TUBB: variants seen among roughly 807,000 people sequenced by gnomAD.
The protein encoded by TUBB is tubulin beta class I.
A neutral mutation model predicts 35.1 loss-of-function variants in TUBB; 2 were observed. That is an observed-to-expected ratio of 0.06 (90% CI 0.02 to 0.18). The LOEUF (loss-of-function observed/expected upper bound fraction) is 0.18. TUBB is among the 10% of genes least tolerant of loss of function. The pLI is 1.00. For missense variants in TUBB, 50 were observed against 599.4 expected, an observed-to-expected ratio of 0.08 and a Z score of 9.57; for synonymous variants, 205 against 223.8, an observed-to-expected ratio of 0.92 and a Z score of 0.75.
Position 30,723,614 on chromosome 6 carries a change from T to C in TUBB, c.552T>C (p.Asn184=), listed in dbSNP as rs1393838118. ...KVSDTVVEPY[N]ATLSVHQLVE... ...CTGACACCGTGGTCGAGCCCTACAA[T>C]GCCACCCTCTCCGTCCATCAGTTGG... The change falls in exon 4 of 4, where the codon AAT becomes AAC. Residue 184 remains asparagine, a synonymous_variant. Transcript: ENST00000327892. 2 of 1,614,108 alleles carry C rather than the reference T, an allele frequency of 1.2e-6. No individual in the cohort carries two copies. Among genetic ancestry groups the C allele is most frequent in the Non-Finnish European group, 1.7e-6 (2 of 1,180,050 alleles).
intron 2 of TUBB, 122 bp from the exon 3 acceptor site, chr6:30,722,796 C>A: frequency 2.7e-6 from 3 of 1,122,610 alleles, no homozygotes; most frequent in South Asian, 1.4e-5. Context: ...AAGACGTCTG[C>A]TGCCACCTGG....
At chr6:30,722,751 C>A in intron 2 of TUBB, 106 bp downstream of exon 2, 1 of 1,178,296 alleles carries the variant, frequency 8.5e-7, no homozygotes, top group Admixed American at 2.4e-5. Flanking sequence ...GTGAATCTGT[C>A]ATTTTGTCCC....
intron 2 of TUBB, 93 bp downstream of exon 2, chr6:30,722,738 T>C (rs921330185): frequency 1.6e-6 from 2 of 1,220,786 alleles, no homozygotes; most frequent in Non-Finnish European, 2.3e-6. Flanking sequence ...TTATCCCCTT[T>C]GGGTGAATCT....
At chr6:30,721,398 G>T (rs566484366) in intron 1 of TUBB, among the ~76,000 whole-genome samples, 4 of 149,834 alleles carry the variant, frequency 2.7e-5, no homozygotes, top group African/African-American at 7.4e-5. Flanking sequence ...CGGCTGCTAC[G>T]TTGTAGCAGA....
chr6:30,721,963 C>CT, intron 1 of TUBB: 1 of 881,818 alleles, frequency 1.1e-6, no homozygotes, highest in African/African-American at 1.8e-5. Flanking sequence ...AAGCGAGACC[C>CT]TCCCCCATGC....
chr6:30,722,853 T>A, intron 2 of TUBB, 65 bp from the exon 3 acceptor site: 1 of 1,395,906 alleles, frequency 7.2e-7, no homozygotes, highest in Non-Finnish European at 1.0e-6. Flanking sequence ...TGTCTCCCAT[T>A]TCCAGTATAT....
In TUBB at chr6:30,720,416, C is replaced by A; in HGVS notation, c.-91C>A. ...CTCCAGCCTCTGGGGCGCATTCCAA[C>A]CTTCCAGCCTGCGACCTGCGGAGAA... On this transcript the variant is annotated 5_prime_UTR_variant, in exon 1 of 4. Coordinates refer to ENST00000327892, the MANE Select transcript of TUBB (RefSeq NM_178014.4). 7.5e-7 allele frequency: 1 copy of A among 1,326,872 alleles called. No individual in the cohort carries two copies. Among genetic ancestry groups the A allele is most frequent in the Non-Finnish European group, 1.1e-6 (1 of 924,560 alleles). The allele number at this position is 1,326,872 out of a possible 1,614,324, so 82.2% of individuals were successfully genotyped here.
At chr6:30,723,250 CCG>C (rs1444347725) in intron 3 of TUBB, 88 bp from the exon 4 acceptor site, 6 of 1,141,178 alleles carry the variant, frequency 5.3e-6, no homozygotes, top group African/African-American at 1.6e-5. Context: ...GAAGATACAT[CCG>C]AGGGAATTAT....
At chr6:30,721,196 G>C (rs564808539) in intron 1 of TUBB, among the ~76,000 whole-genome samples, 1 of 152,206 alleles carries the variant, frequency 6.6e-6, no homozygotes, top group African/African-American at 2.4e-5. Context: ...TTTTTAGGGC[G>C]TGAACAGATA....
rs1776436502 is a variant in TUBB, at chr6:30,723,617, C to T, written c.555C>T (p.Ala185=). 4 of 1,614,206 alleles carry T rather than the reference C, an allele frequency of 2.5e-6. No individual in the cohort carries two copies. The highest frequency in any genetic ancestry group is 2.2e-5 in the East Asian group (1 of 44,890). The part of the protein sequence containing the change: ...VSDTVVEPYN[A]TLSVHQLVEN... ...ACACCGTGGTCGAGCCCTACAATGC[C>T]ACCCTCTCCGTCCATCAGTTGGTAG... Residue 185 remains alanine (A), a synonymous_variant, in exon 4 of 4, where the codon GCC becomes GCT. Coordinates refer to ENST00000327892, the MANE Select transcript of TUBB (RefSeq NM_178014.4).
rs760458756 is a variant in TUBB at position 30,722,946 on chromosome 6, G to A, written c.195G>A (p.Leu65=). 6.2e-7 allele frequency: 1 copy of A among 1,612,692 alleles called. No individual in the cohort carries two copies. Among genetic ancestry groups the A allele is most frequent in the East Asian group, 2.2e-5 (1 of 44,882 alleles). ...GCAAATATGTTCCTCGTGCCATCCTGGTGGATCTAGAACCTGGGACCATGG... is the reference window on the plus strand; with the variant it reads ...GCAAATATGTTCCTCGTGCCATCCTAGTGGATCTAGAACCTGGGACCATGG... ...TGGKYVPRAI[L]VDLEPGTMDS... is the part of the protein sequence containing the mutation. Residue 65 remains leucine (L), a synonymous_variant, in exon 3 of 4, where the codon CTG becomes CTA. Transcript: ENST00000327892.
chr6:30,722,778 C>A (rs1776376911), intron 2 of TUBB, 133 bp downstream of exon 2: 4 of 1,119,276 alleles, frequency 3.6e-6, no homozygotes, highest in South Asian at 1.4e-5. Context: ...GAACCACCGT[C>A]GGGGCCAAAG....
At chr6:30,723,192 G>A (rs879670612) in intron 3 of TUBB, 148 bp from the exon 4 acceptor site, 11 of 912,174 alleles carry the variant, frequency 1.2e-5, no homozygotes, top group Admixed American at 2.8e-5. Flanking sequence ...ACTATTGCTG[G>A]TAAATTATGG....
Position 30,724,529 on chromosome 6 carries a change from G to C in TUBB, c.*132G>C. ...TGTTTTTTCTTCTGGGGGGGGTCTA[G>C]AACAGTGCCTGGCACATAGTAGGCG... On this transcript the variant is annotated 3_prime_UTR_variant, in exon 4 of 4. Coordinates refer to ENST00000327892, the MANE Select transcript of TUBB (RefSeq NM_178014.4). The surrounding 1 kb of genome is among the most constrained non-coding windows in gnomAD (Gnocchi z 4.4). 1 of 766,842 alleles carries C rather than the reference G, an allele frequency of 1.3e-6. No individual in the cohort carries two copies. Among genetic ancestry groups the C allele is most frequent in the African/African-American group, 1.8e-5 (1 of 56,556 alleles). The allele number at this position is 766,842 out of a possible 1,614,324, so 47.5% of individuals were successfully genotyped here. A position where few individuals can be genotyped will look rare whatever the true frequency, so the allele number is the denominator to read the frequency against.
rs978707719 is a variant in TUBB at position 30,721,564 on chromosome 6, G to C, written c.58-973G>C. The C allele has an allele frequency of 7.1e-6, 7 of 985,268 alleles. No individual in the cohort carries two copies. The African/African-American group carries it at 1.2e-4, about 17-fold the overall frequency. The allele number at this position is 985,268 out of a possible 1,614,324, so 61.0% of individuals were successfully genotyped here. Reference sequence around the variant, plus strand: ...CCACGCGCGAAGTCTTTTGTCGGCGGCTCGACCTGCGCGTGCGCCGCAGTC... The same window carrying C: ...CCACGCGCGAAGTCTTTTGTCGGCGCCTCGACCTGCGCGTGCGCCGCAGTC... On this transcript the variant is annotated intron_variant, in intron 1 of 3. Transcript: ENST00000327892.
Position 30,724,719 on chromosome 6 carries a change from A to G in TUBB, c.*322A>G. ...CCAAGAAGCTGGGTCTCCAGATCCC[A>G]TTTAGAACCAACCAGGTGCTGAAAA... On this transcript the variant is annotated 3_prime_UTR_variant, in exon 4 of 4. Coordinates refer to ENST00000327892, the MANE Select transcript of TUBB (RefSeq NM_178014.4). This position sits in a 1 kb window ranked among gnomAD's most constrained non-coding sequence, Gnocchi z 4.4. 2.7e-6 allele frequency: 1 copy of G among 366,280 alleles called. No individual in the cohort carries two copies. The highest frequency in any genetic ancestry group is 4.9e-6 in the Non-Finnish European group (1 of 204,282). 22.7% of individuals were successfully genotyped at this position (366,280 alleles called of 1,614,324 possible).
At chr6:30,720,948 A>T (rs56389899) in intron 1 of TUBB, among the ~76,000 whole-genome samples, 15,314 of 152,282 alleles carry the variant, frequency 0.1, 1,189 homozygotes, top group African/African-American at 0.21. Context: ...CCTGCGGGGT[A>T]CTTAGGGCCA....
Position 30,724,422 on chromosome 6 carries a change from T to A in TUBB, c.*25T>A. The A allele has an allele frequency of 6.3e-7, 1 of 1,584,832 alleles. No individual in the cohort carries two copies. The highest frequency in any genetic ancestry group is 1.1e-5 in the South Asian group (1 of 87,760). ...AGGCAGAGCCCCCATCACCTCAGGC[T>A]TCTCAGTTCCCTTAGCCGTCTTACT... On this transcript the variant is annotated 3_prime_UTR_variant, in exon 4 of 4. Transcript: ENST00000327892. This position sits in a 1 kb window ranked among gnomAD's most constrained non-coding sequence, Gnocchi z 4.4.
intron 1 of TUBB, chr6:30,721,630 C>T: frequency 5.1e-6 from 5 of 985,448 alleles, no homozygotes; most frequent in Non-Finnish European, 6.0e-6. Flanking sequence ...GGCGGCAGCT[C>T]TTTCCTCAGA....
Sources: gnomAD v4.1 joint callset for allele counts (sites outside exome capture counted in the v4.1 genomes callset) on GRCh38, gnomAD v4.1.1 for gene constraint, Gnocchi (gnomAD v3.1) non-coding constraint, MANE v1.5 for transcripts, NCBI Gene and HGNC (gene_info 2026-07-23, HGNC 2026-07-21) for gene names.